WNK4: variants seen among roughly 807,000 people sequenced by gnomAD.
WNK4 encodes the protein serine/threonine-protein kinase WNK4.
A neutral mutation model predicts 116.2 loss-of-function variants in WNK4; 94 were observed. The observed-to-expected ratio is 0.81, with a 90% CI of 0.68 to 0.96. The LOEUF is 0.96. Among genes scored for constraint, WNK4 ranks in the 40% least tolerant of loss-of-function variants. WNK4 has a pLI of 0.00. For missense variants in WNK4, 1,542 were observed against 1,650.6 expected (o/e 0.93, Z 1.14); for synonymous variants, 655 against 672.7 (o/e 0.97, Z 0.41).
rs369689386 is a variant in WNK4, at chr17:42,780,907, T to G, written c.209T>G (p.Leu70Arg). 1.7e-5 allele frequency: 27 copies of G among 1,607,814 alleles called. No individual in the cohort carries two copies. In the Middle Eastern group the frequency reaches 6.6e-4, roughly 39 times the overall value. ...SRRSSVDLGLLSSWSLPASPA... is the reference protein window; with the variant it reads ...SRRSSVDLGLRSSWSLPASPA... ...CGTAGCTCAGTCGACTTGGGGCTGC[T>G]GAGCTCTTGGTCCCTGCCAGCCTCA... The change falls in exon 1 of 19, where the codon CTG becomes CGG. Residue 70 changes from leucine (L) to arginine (R), a missense_variant. Coordinates refer to ENST00000246914, the MANE Select transcript of WNK4 (RefSeq NM_032387.5).
In WNK4 at chr17:42,793,587, G is replaced by C; in HGVS notation, c.2158-5G>C. 1 of 1,613,582 alleles carries C rather than the reference G, an allele frequency of 6.2e-7. No individual in the cohort carries two copies. The highest frequency in any genetic ancestry group is 8.5e-7 in the Non-Finnish European group (1 of 1,179,666). ...CTCCCTCCCCATCCTGTTGACCCTC[G>C]CAAGGTATATAACGAGTTCATTCTG... On this transcript the variant is annotated splice_region_variant and splice_polypyrimidine_tract_variant and intron_variant, in intron 11 of 18. Coordinates refer to ENST00000246914, the MANE Select transcript of WNK4 (RefSeq NM_032387.5).
Position 42,785,407 on chromosome 17 carries a change from C to A in WNK4, c.1401C>A (p.Arg467=). 6.4e-7 allele frequency: 1 copy of A among 1,573,306 alleles called. No individual in the cohort carries two copies. Among genetic ancestry groups the A allele is most frequent in the East Asian group, 2.3e-5 (1 of 42,744 alleles). The change falls in exon 6 of 19, where the codon CGC becomes CGA. Residue 467 remains arginine (R), a synonymous_variant. Transcript: ENST00000246914. ...TGGAGGACGCGCGGCGCGGGGGGCG[C>A]CCACGGGACAACCAGGCCATCGAGT... The part of the protein sequence containing the change: ...LRMEDARRGG[R]PRDNQAIEFL...
chr17:42,787,957 T>C (rs1192510406), intron 8 of WNK4, 58 bp downstream of exon 8: 2 of 1,607,318 alleles, frequency 1.2e-6, no homozygotes, highest in Non-Finnish European at 1.7e-6. Flanking sequence ...CCTATCTCCC[T>C]CCTTGTGAAA....
rs1380866566 is a variant in WNK4, at chr17:42,780,788, C to G, written c.90C>G (p.Thr30=). Residue 30 remains threonine, a synonymous_variant, in exon 1 of 19, where the codon ACC becomes ACG. Transcript: ENST00000246914. The stretch of plus-strand genomic sequence containing the variant: ...TGCGGCCCCCGCCTCCTCTTGGCAC[C>G]GCGGGGCAGCCCCGCCTCGGGCCCC... The part of the protein sequence containing the change: ...LALRPPPPLG[T]AGQPRLGPPP... 6.2e-7 allele frequency: 1 copy of G among 1,604,510 alleles called. No individual in the cohort carries two copies. The highest frequency in any genetic ancestry group is 8.5e-7 in the Non-Finnish European group (1 of 1,178,600).
In WNK4 at chr17:42,795,676, C is replaced by T. The variant is rs56099549; in HGVS notation, c.3074C>T (p.Pro1025Leu). The change falls in exon 16 of 19, where the codon CCG becomes CTG. Residue 1025 changes from proline (P) to leucine (L), a missense_variant. Pro to Leu is a moderately conservative substitution (Grantham distance 98). Around this residue, in one of 7 missense-constraint regions of WNK4, gnomAD observed 292 missense variants for 290.1 expected, o/e 1.01. Transcript: ENST00000246914. ...TTCCAAGTGACTTCATCCAAGGAAC[C>T]GGCTGAGCCTCTTCCCTTGCAGCCA... ...GRFQVTSSKEPAEPLPLQPTS... is the reference protein window; with the variant it reads ...GRFQVTSSKELAEPLPLQPTS... 0.012 allele frequency: 19,997 copies of T among 1,613,150 alleles called. 168 individuals are homozygous for T. Among genetic ancestry groups the T allele is most frequent in the Non-Finnish European group, 0.014 (17,042 of 1,180,034 alleles).
chr17:42,786,283 G>A (rs1053308613), intron 6 of WNK4, among the ~76,000 whole-genome samples: 8 of 152,226 alleles, frequency 5.3e-5, no homozygotes, highest in African/African-American at 1.4e-4. Context: ...AGCAAAGCTT[G>A]CGGCTAAAAG....
chr17:42,788,119 T>C lies in WNK4; in HGVS notation c.1864-11T>C, dbSNP rs61755599. 1,204 of 1,614,172 alleles carry C rather than the reference T, an allele frequency of 7.5e-4. 1 individual carries two copies. The highest frequency in any genetic ancestry group is 9.5e-4 in the Non-Finnish European group (1,118 of 1,180,010). ...CTTCCCCTGACCTCATGAACCCTTA[T>C]CCTGTTTCAGGCTTTTGCCCTATCC... On this transcript the variant is annotated splice_polypyrimidine_tract_variant and intron_variant, in intron 8 of 18. Transcript: ENST00000246914.
At chr17:42,785,069 G>C (rs1182123877) in intron 4 of WNK4, 28 bp from the exon 5 acceptor site, 10 of 1,603,324 alleles carry the variant, frequency 6.2e-6, no homozygotes, top group South Asian at 1.1e-5. Flanking sequence ...ATCAGAGGAC[G>C]GGAGGTGTCA....
At position 42,784,109 on chromosome 17, in the gene WNK4, C is replaced by A. The variant is rs754147577; in HGVS notation, c.964C>A (p.Leu322Met). ...GPTGSVKIGD[L>M]GLATLKRASF... The stretch of plus-strand genomic sequence containing the variant: ...TACTGGCTCTGTCAAAATCGGGGAC[C>A]TGGGCCTGGCCACGCTCAAGCGCGC... The change falls in exon 3 of 19, where the codon CTG (leucine) becomes ATG (methionine). Residue 322 changes from leucine (L) to methionine (M), a missense_variant. Transcript: ENST00000246914. The surrounding 1 kb of genome is among the most constrained non-coding windows in gnomAD (Gnocchi z 4.4). 6.2e-7 allele frequency: 1 copy of A among 1,610,828 alleles called. No homozygotes were observed. Among genetic ancestry groups the A allele is most frequent in the Non-Finnish European group, 8.5e-7 (1 of 1,180,016 alleles).
rs758683954 is a variant in WNK4 at position 42,780,994 on chromosome 17, C to T, written c.296C>T (p.Pro99Leu). 8.1e-6 allele frequency: 13 copies of T among 1,609,902 alleles called. No individual in the cohort carries two copies. Among genetic ancestry groups the T allele is most frequent in the Admixed American group, 3.3e-5 (2 of 59,954 alleles). Residue 99 changes from proline to leucine, a missense_variant, in exon 1 of 19, where the codon CCG becomes CTG. By Grantham distance (98) the Pro-to-Leu change is moderately conservative. Around this residue, in one of 7 missense-constraint regions of WNK4, gnomAD observed 243 missense variants for 217.8 expected, o/e 1.12. Coordinates refer to ENST00000246914, the MANE Select transcript of WNK4 (RefSeq NM_032387.5). The part of the protein sequence containing the change: ...SAGPGPARSP[P>L]PSSKEPPEGT... ...GGTCCTGGCCCCGCGAGGAGCCCAC[C>T]GCCTAGCTCCAAAGAACCCCCCGAG... is the stretch of plus-strand genomic sequence containing the variant.
chr17:42,795,079 G>A lies in WNK4; in HGVS notation c.2658G>A (p.Thr886=), dbSNP rs2054649699. ...AGTGTCCCTGGAGTTCTCTCCCCACGACTTCTCCACCTACGTTCTCTCCCA... is the reference window on the plus strand; with the variant it reads ...AGTGTCCCTGGAGTTCTCTCCCCACAACTTCTCCACCTACGTTCTCTCCCA... ...LSQCPWSSLP[T]TSPPTFSPTC... Residue 886 remains threonine, a synonymous_variant, in exon 14 of 19, where the codon ACG becomes ACA. Transcript: ENST00000246914. 5 of 1,613,642 alleles carry A rather than the reference G, an allele frequency of 3.1e-6. No individual in the cohort carries two copies. The highest frequency in any genetic ancestry group is 1.1e-5 in the South Asian group (1 of 91,062).
Position 42,793,635 on chromosome 17 carries a change from T to TC in WNK4, c.2202dup (p.Arg735GlnfsTer25). On this transcript the variant is annotated frameshift_variant, in exon 12 of 19. Coordinates refer to ENST00000246914, the MANE Select transcript of WNK4 (RefSeq NM_032387.5). LOFTEE classifies it high-confidence loss of function. ...CTGCCTTCGGAGCGAGATGGATTTC[T>TC]CAGACGGATTCGGGAGATTATCCAG... 6.2e-7 allele frequency: 1 copy of TC among 1,614,128 alleles called. No individual in the cohort carries two copies. Among genetic ancestry groups the TC allele is most frequent in the Non-Finnish European group, 8.5e-7 (1 of 1,180,002 alleles).
chr17:42,788,762 G>C lies in WNK4; in HGVS notation c.2122G>C (p.Asp708His), dbSNP rs1568030459. ...SKMVTFRFDL[D>H]GDSPEEIAAA... ...GATGGTGACCTTCCGATTTGATCTG[G>C]ATGGGGACAGCCCGGAAGAGATTGC... is the stretch of plus-strand genomic sequence containing the variant. The change falls in exon 11 of 19, where the codon GAT becomes CAT. Residue 708 changes from aspartate (D) to histidine (H), a missense_variant. Asp to His is a moderately conservative substitution (Grantham distance 81). Coordinates refer to ENST00000246914, the MANE Select transcript of WNK4 (RefSeq NM_032387.5). The C allele has an allele frequency of 6.2e-7, 1 of 1,614,158 alleles. No individual in the cohort carries two copies. The highest frequency in any genetic ancestry group is 8.5e-7 in the Non-Finnish European group (1 of 1,180,030).
At position 42,784,041 on chromosome 17, in the gene WNK4, T is replaced by A; in HGVS notation, c.896T>A (p.Leu299Gln). 1 of 1,613,992 alleles carries A rather than the reference T, an allele frequency of 6.2e-7. No homozygotes were observed. The highest frequency in any genetic ancestry group is 8.5e-7 in the Non-Finnish European group (1 of 1,180,042). The change falls in exon 3 of 19, where the codon CTG (leucine) becomes CAG (glutamine). Residue 299 changes from leucine to glutamine, a missense_variant. Coordinates refer to ENST00000246914, the MANE Select transcript of WNK4 (RefSeq NM_032387.5). This position sits in a 1 kb window ranked among gnomAD's most constrained non-coding sequence, Gnocchi z 4.4. ...CTACACTCCCGGGTTCCTCCCATCC[T>A]GCACCGGGATCTCAAGTGCGACAAT... ...HFLHSRVPPILHRDLKCDNVF... is the reference protein window; with the variant it reads ...HFLHSRVPPIQHRDLKCDNVF...
chr17:42,784,927 G>GGT lies in WNK4; in HGVS notation c.1171-169_1171-168insTG, dbSNP rs901792067. ...GTTCAAGATCACACTGTAAATACTTGGGGGGGGGGCGGGGATTAGGATTTG... is the reference window on the plus strand; with the variant it reads ...GTTCAAGATCACACTGTAAATACTTGGTGGGGGGGGGCGGGGATTAGGATTTG... On this transcript the variant is annotated intron_variant, in intron 4 of 18. Transcript: ENST00000246914. The surrounding 1 kb of genome is among the most constrained non-coding windows in gnomAD (Gnocchi z 4.4). 4.2e-4 allele frequency among the ~76,000 whole-genome samples: 20 copies of GGT among 48,092 alleles called. 1 individual carries two copies. Among genetic ancestry groups the GGT allele is most frequent in the African/African-American group, 1.4e-3 (20 of 13,924 alleles). 31.6% of individuals were successfully genotyped at this position (48,092 alleles called of 152,430 possible).
Position 42,793,578 on chromosome 17 carries a change from T to C in WNK4, c.2158-14T>C. The C allele has an allele frequency of 6.2e-7, 1 of 1,613,552 alleles. No individual in the cohort carries two copies. Among genetic ancestry groups the C allele is most frequent in the Non-Finnish European group, 8.5e-7 (1 of 1,179,616 alleles). On this transcript the variant is annotated splice_polypyrimidine_tract_variant and intron_variant, in intron 11 of 18. Coordinates refer to ENST00000246914, the MANE Select transcript of WNK4 (RefSeq NM_032387.5). ...TAACAAGCTCTCCCTCCCCATCCTGTTGACCCTCGCAAGGTATATAACGAG... is the reference window on the plus strand; with the variant it reads ...TAACAAGCTCTCCCTCCCCATCCTGCTGACCCTCGCAAGGTATATAACGAG...
chr17:42,788,270 C>T lies in WNK4; in HGVS notation c.1923-20C>T. Reference sequence around the variant, plus strand: ...CAGTGTCTGCTCTGACAGTCATTCTCTCTCCTTTCTCTTTAACAGCTATGC... The same window carrying T: ...CAGTGTCTGCTCTGACAGTCATTCTTTCTCCTTTCTCTTTAACAGCTATGC... On this transcript the variant is annotated intron_variant, in intron 9 of 18. Coordinates refer to ENST00000246914, the MANE Select transcript of WNK4 (RefSeq NM_032387.5). 1 of 1,613,956 alleles carries T rather than the reference C, an allele frequency of 6.2e-7. No homozygotes were observed. The highest frequency in any genetic ancestry group is 1.1e-5 in the South Asian group (1 of 91,080).
Position 42,782,842 on chromosome 17 carries a change from C to T in WNK4, c.703C>T (p.Arg235Cys), listed in dbSNP as rs771058697. The T allele has an allele frequency of 2.0e-5, 33 of 1,614,070 alleles. No homozygotes were observed. Among genetic ancestry groups the T allele is most frequent in the South Asian group, 3.3e-5 (3 of 91,090 alleles). The change falls in exon 2 of 19, where the codon CGC becomes TGC. Residue 235 changes from arginine to cysteine, a missense_variant. By Grantham distance (180) the Arg-to-Cys change is radical. Around this residue, in one of 7 missense-constraint regions of WNK4, gnomAD observed 808 missense variants for 873.6 expected, o/e 0.92. Coordinates refer to ENST00000246914, the MANE Select transcript of WNK4 (RefSeq NM_032387.5). This position sits in a 1 kb window ranked among gnomAD's most constrained non-coding sequence, Gnocchi z 4.2. ...LKGLQHPNIV[R>C]FYDSWKSVLR... The stretch of plus-strand genomic sequence containing the variant: ...GGGGCTGCAGCACCCCAACATCGTC[C>T]GCTTCTATGATTCGTGGAAGTCGGT...
chr17:42,790,571 G>A (rs1256169892), intron 11 of WNK4, among the ~76,000 whole-genome samples: 1 of 152,114 alleles, frequency 6.6e-6, no homozygotes, highest in African/African-American at 2.4e-5. Flanking sequence ...AGACACAGAG[G>A]GTTGCAGAGT....
Sources: allele counts gnomAD v4.1 joint callset (sites outside exome capture counted in the v4.1 genomes callset), GRCh38; gene constraint gnomAD v4.1.1; regional missense constraint gnomAD v4.1.1; non-coding constraint Gnocchi (gnomAD v3.1); transcripts MANE v1.5; gene names NCBI Gene and HGNC (gene_info 2026-07-23, HGNC 2026-07-21).